Variants in RANBP2 observed in about 807,000 individuals in gnomAD.
The protein encoded by RANBP2 is E3 SUMO-protein ligase RanBP2.
In RANBP2, 57 loss-of-function variants were observed where a neutral mutation model predicts 303.6. That is an observed-to-expected ratio of 0.19 (90% CI 0.15 to 0.23). RANBP2 has a LOEUF of 0.23. RANBP2 is among the 10% of genes least tolerant of loss of function. RANBP2 has a pLI of 1.00. For missense variants in RANBP2, 3,138 were observed against 3,780.8 expected, an observed-to-expected ratio of 0.83 and a Z score of 4.46; for synonymous variants, 1,167 against 1,301.5, an observed-to-expected ratio of 0.90 and a Z score of 2.23.
chr2:109,653,645 C>G, the RANBP2 span, among the ~76,000 whole-genome samples: 18 of 152,232 alleles, frequency 1.2e-4, no homozygotes, highest in Admixed American at 5.9e-4. Flanking sequence ...TCTCTGAGTC[C>G]TTCTGGGTGT....
At chr2:109,455,010 A>C in the RANBP2 span, among the ~76,000 whole-genome samples, 2 of 152,180 alleles carry the variant, frequency 1.3e-5, no homozygotes, top group African/African-American at 4.8e-5. Flanking sequence ...AGAGCCTCTA[A>C]AGATGTTTTA....
chr2:108,819,108 C>T, the RANBP2 span, among the ~76,000 whole-genome samples: 1 of 152,124 alleles, frequency 6.6e-6, no homozygotes, highest in Non-Finnish European at 1.5e-5. Context: ...AAGTTTCAGG[C>T]CCTTATTCCT....
At chr2:109,519,893 A>G in the RANBP2 span, among the ~76,000 whole-genome samples, 67 of 152,312 alleles carry the variant, frequency 4.4e-4, no homozygotes, top group African/African-American at 1.6e-3. Flanking sequence ...TAAGAAAGGG[A>G]GTGAAATGAT....
At chr2:109,059,725 C>T in the RANBP2 span, among the ~76,000 whole-genome samples, 1 of 152,216 alleles carries the variant, frequency 6.6e-6, no homozygotes, top group Non-Finnish European at 1.5e-5. Context: ...AGCCACCACT[C>T]CTGCAGAATG....
At chr2:109,616,246 CAG>C in the RANBP2 span, 1 of 1,007,502 alleles carries the variant, frequency 9.9e-7, no homozygotes, top group South Asian at 3.6e-5. Flanking sequence ...ATGTCTTTTT[CAG>C]AGATTCATCA....
At chr2:109,418,408 G>A in the RANBP2 span, among the ~76,000 whole-genome samples, 1 of 152,124 alleles carries the variant, frequency 6.6e-6, no homozygotes, top group Admixed American at 6.5e-5. Context: ...GTCAAGGTGT[G>A]GACAGGTTTG....
chr2:109,337,491 G>A, the RANBP2 span, among the ~76,000 whole-genome samples: 1 of 152,336 alleles, frequency 6.6e-6, no homozygotes, highest in South Asian at 2.1e-4. Flanking sequence ...GACTGTGCAG[G>A]CAAGGGCGGG....
chr2:109,426,854 A>G, the RANBP2 span, among the ~76,000 whole-genome samples: 1 of 152,114 alleles, frequency 6.6e-6, no homozygotes, highest in Non-Finnish European at 1.5e-5. Flanking sequence ...TTTAGCCACC[A>G]CCACCCTGAG....
chr2:109,690,380 T>C, the RANBP2 span, among the ~76,000 whole-genome samples: 5 of 152,182 alleles, frequency 3.3e-5, no homozygotes, highest in African/African-American at 7.2e-5. Flanking sequence ...TTGCATTCTT[T>C]TGAGTTTCTG....
the RANBP2 span, among the ~76,000 whole-genome samples, chr2:108,797,199 A>G: frequency 2.0e-5 from 3 of 152,184 alleles, no homozygotes; most frequent in Non-Finnish European, 1.5e-5. Flanking sequence ...CTCCAGCCCA[A>G]ATCATAAGGA....
the RANBP2 span, among the ~76,000 whole-genome samples, chr2:109,283,958 C>T: frequency 6.6e-6 from 1 of 152,220 alleles, no homozygotes; most frequent in Non-Finnish European, 1.5e-5. Context: ...CGCCTCCCTC[C>T]TGTCCCCACA....
At chr2:109,667,564 G>A in the RANBP2 span, among the ~76,000 whole-genome samples, 1 of 152,142 alleles carries the variant, frequency 6.6e-6, no homozygotes, top group Non-Finnish European at 1.5e-5. Flanking sequence ...ATAGAATGAT[G>A]AACAGAGGTG....
chr2:108,913,868 T>G, the RANBP2 span, among the ~76,000 whole-genome samples: 1 of 144,668 alleles, frequency 6.9e-6, no homozygotes, highest in Non-Finnish European at 1.5e-5. Context: ...GAGAATGGCG[T>G]GAACCCAGGA....
chr2:109,652,934 C>T, the RANBP2 span, among the ~76,000 whole-genome samples: 2 of 152,050 alleles, frequency 1.3e-5, no homozygotes, highest in Non-Finnish European at 2.9e-5. Flanking sequence ...CTCCTGGGCT[C>T]GTCTTCAATA....
At chr2:109,328,486 A>G in the RANBP2 span, among the ~76,000 whole-genome samples, 1 of 152,046 alleles carries the variant, frequency 6.6e-6, no homozygotes, top group African/African-American at 2.4e-5. Context: ...ACATCTGAGG[A>G]CTTGGCTAGA....
At chr2:109,093,423 AAAG>A in the RANBP2 span, among the ~76,000 whole-genome samples, 4 of 151,250 alleles carry the variant, frequency 2.6e-5, no homozygotes, top group African/African-American at 9.7e-5. Context: ...AAAAAAAAAA[AAAG>A]AAAGAAAAAA....
At chr2:109,321,228 T>TATCCTCGG in the RANBP2 span, among the ~76,000 whole-genome samples, 2 of 152,248 alleles carry the variant, frequency 1.3e-5, no homozygotes, top group Non-Finnish European at 2.9e-5. Flanking sequence ...TCAAACCTTA[T>TATCCTCGG]ATCCTCGGAT....
the RANBP2 span, among the ~76,000 whole-genome samples, chr2:109,471,492 T>TCCAGGTCC: frequency 1.3e-5 from 2 of 152,144 alleles, no homozygotes; most frequent in Non-Finnish European, 2.9e-5. Flanking sequence ...GTCCCCTCCC[T>TCCAGGTCC]CCAGGTCCCT....
chr2:109,291,723 A>G, the RANBP2 span, among the ~76,000 whole-genome samples: 338 of 152,316 alleles, frequency 2.2e-3, 4 homozygotes, highest in African/African-American at 7.5e-3. Flanking sequence ...CTCCCAAGCC[A>G]GGCTTATCCG....
Sources: gnomAD v4.1 joint callset for allele counts (sites outside exome capture counted in the v4.1 genomes callset) on GRCh38, gnomAD v4.1.1 for gene constraint, MANE v1.5 for transcripts, NCBI Gene and HGNC (gene_info 2026-07-23, HGNC 2026-07-21) for gene names.